Variants in CPSF3 observed in about 807,000 individuals in gnomAD.
The protein encoded by CPSF3 is cleavage and polyadenylation specificity factor subunit 3.
In CPSF3, 57 loss-of-function variants were observed where a neutral mutation model predicts 84.1. The ratio of observed to expected loss-of-function variants is 0.68; its 90% CI spans 0.55 to 0.85. The LOEUF (loss-of-function observed/expected upper bound fraction) is 0.85, where lower values mean the gene tolerates loss of function less well. CPSF3 is among the 40% of genes least tolerant of loss of function. The pLI is 0.00. For synonymous variants in CPSF3, 275 were observed against 278.1 expected (o/e 0.99, Z 0.11); for missense variants, 522 against 838.8 (o/e 0.62, Z 4.66).
chr2:9,461,475 C>T (rs1227369222), intron 15 of CPSF3, among the ~76,000 whole-genome samples: 1 of 151,948 alleles, frequency 6.6e-6, no homozygotes, highest in Non-Finnish European at 1.5e-5. Flanking sequence ...CCAGCCTGGC[C>T]AACATGGTGA....
chr2:9,463,728 T>C (rs549095907), intron 15 of CPSF3, among the ~76,000 whole-genome samples: 1 of 152,338 alleles, frequency 6.6e-6, no homozygotes, highest in South Asian at 2.1e-4. Context: ...ATTTTCACAT[T>C]TAGAGCAGAG....
intron 10 of CPSF3, among the ~76,000 whole-genome samples, chr2:9,444,790 C>T (rs756720469): frequency 1.3e-5 from 2 of 151,994 alleles, no homozygotes; most frequent in South Asian, 2.1e-4. Context: ...CTCAGCCTTC[C>T]GGGTAGCTGG....
At chr2:9,467,672 G>A (rs750503248) in intron 15 of CPSF3, 35 bp from the exon 16 acceptor site, 10 of 1,504,396 alleles carry the variant, frequency 6.6e-6, no homozygotes, top group Admixed American at 3.6e-5. Context: ...TAGGAATTTA[G>A]AAACTGAACT....
At chr2:9,444,158 A>ATATTT (rs1216393477) in intron 10 of CPSF3, among the ~76,000 whole-genome samples, 74 of 123,164 alleles carry the variant, frequency 6.0e-4, no homozygotes, top group African/African-American at 2.8e-3. Context: ...ATATATATAT[A>ATATTT]TTTTTTTTTT....
At chr2:9,433,283 G>A (rs1680660316) in intron 5 of CPSF3, among the ~76,000 whole-genome samples, 1 of 152,174 alleles carries the variant, frequency 6.6e-6, no homozygotes, top group African/African-American at 2.4e-5. Flanking sequence ...GCGCAGCTTG[G>A]CCTTTTCCTT....
Position 9,467,906 on chromosome 2 carries a change from C to T in CPSF3, c.1856+130C>T, listed in dbSNP as rs1682031430. 1.0e-5 allele frequency: 7 copies of T among 680,906 alleles called. No homozygotes were observed. The East Asian group carries it at 1.9e-4, about 18-fold the overall frequency. The allele number at this position is 680,906 out of a possible 1,614,324, so 42.2% of individuals were successfully genotyped here. A position where few individuals can be genotyped will look rare whatever the true frequency, so the allele number is the denominator to read the frequency against. ...GGCCACTGCCATGCTCGGAGGCCTG[C>T]TTCTCTGTTAGGAAAGAGAGGGGCT... On this transcript the variant is annotated intron_variant, in intron 16 of 17. Transcript: ENST00000238112.
chr2:9,435,767 C>G (rs1680755920), intron 6 of CPSF3, among the ~76,000 whole-genome samples: 1 of 151,838 alleles, frequency 6.6e-6, no homozygotes. Context: ...GAGTCTTGCT[C>G]TGTCGCCCAG....
At chr2:9,431,940 C>T (rs902900406) in intron 4 of CPSF3, among the ~76,000 whole-genome samples, 3 of 152,094 alleles carry the variant, frequency 2.0e-5, no homozygotes, top group Non-Finnish European at 2.9e-5. Flanking sequence ...TGAGGCACAG[C>T]GAGGTTAGGT....
At chr2:9,440,701 A>C (rs1680937614) in intron 8 of CPSF3, 35 bp downstream of exon 8, 1 of 1,607,966 alleles carries the variant, frequency 6.2e-7, no homozygotes, top group African/African-American at 1.3e-5. Context: ...AGGATGGATA[A>C]AACCAAATCA....
chr2:9,432,544 G>A lies in CPSF3; in HGVS notation c.375G>A (p.Glu125=), dbSNP rs369380019. ...NISADDMLYT[E]TDLEESMDKI... is the part of the protein sequence containing the mutation. ...CAGCAGACGACATGCTGTATACCGA[G>A]ACAGATTTGGAAGAAAGCATGGACA... Residue 125 remains glutamate (E), a synonymous_variant, in exon 5 of 18, where the codon GAG becomes GAA. Coordinates refer to ENST00000238112, the MANE Select transcript of CPSF3 (RefSeq NM_016207.4). 10 of 1,551,602 alleles carry A rather than the reference G, an allele frequency of 6.4e-6. No homozygotes were observed. The African/African-American group carries it at 1.2e-4, about 19-fold the overall frequency.
intron 10 of CPSF3, among the ~76,000 whole-genome samples, chr2:9,444,154 A>ATTTT (rs1308148543): frequency 7.1e-6 from 1 of 141,422 alleles, no homozygotes; most frequent in African/African-American, 2.7e-5. Flanking sequence ...ATATATATAT[A>ATTTT]TATATTTTTT....
At chr2:9,448,456 T>C in intron 11 of CPSF3, 106 bp downstream of exon 11, 1 of 966,096 alleles carries the variant, frequency 1.0e-6, no homozygotes, top group East Asian at 2.6e-5. Flanking sequence ...CTTATTTCTG[T>C]CTACTTGTTA....
chr2:9,441,736 T>A, intron 8 of CPSF3, 82 bp from the exon 9 acceptor site: 2 of 1,396,730 alleles, frequency 1.4e-6, no homozygotes, highest in Non-Finnish European at 9.9e-7. Flanking sequence ...TCTCTTAGCC[T>A]TTTGTTATTC....
At chr2:9,442,077 C>A in intron 9 of CPSF3, 101 bp downstream of exon 9, 1 of 1,237,336 alleles carries the variant, frequency 8.1e-7, no homozygotes, top group Non-Finnish European at 1.1e-6. Flanking sequence ...TCAAATAATA[C>A]AAGTTTTGAT....
intron 7 of CPSF3, 56 bp downstream of exon 7, chr2:9,436,417 A>T (rs1680784122): frequency 2.6e-6 from 4 of 1,541,918 alleles, no homozygotes; most frequent in Non-Finnish European, 3.5e-6. Context: ...TTTTATCAAG[A>T]TAATAATGTG....
chr2:9,445,873 G>A (rs187342989), intron 10 of CPSF3, among the ~76,000 whole-genome samples: 65 of 152,304 alleles, frequency 4.3e-4, no homozygotes, highest in African/African-American at 1.5e-3. Context: ...TAGTGTTGGT[G>A]GTAGTAATGA....
chr2:9,441,832 T>C lies in CPSF3; in HGVS notation c.951T>C (p.Phe317=), dbSNP rs775587895. ...HISNLKSMDH[F]DDIGPSVVMA... ...TTCTCTCTTAGAGCATGGATCATTT[T>C]GATGACATTGGTCCCAGTGTTGTAA... is the stretch of plus-strand genomic sequence containing the variant. The change falls in exon 9 of 18, where the codon TTT becomes TTC. Residue 317 remains phenylalanine (F), a synonymous_variant. Coordinates refer to ENST00000238112, the MANE Select transcript of CPSF3 (RefSeq NM_016207.4). 1.1e-5 allele frequency: 18 copies of C among 1,614,088 alleles called. No homozygotes were observed. In the East Asian group the frequency reaches 4.0e-4, roughly 36 times the overall value.
At chr2:9,450,023 G>T (rs935805978) in intron 11 of CPSF3, among the ~76,000 whole-genome samples, 6 of 151,996 alleles carry the variant, frequency 3.9e-5, no homozygotes, top group Non-Finnish European at 8.8e-5. Flanking sequence ...TTGAGATGGG[G>T]TCACACTCTG....
chr2:9,447,051 G>C (rs13403309), intron 10 of CPSF3, among the ~76,000 whole-genome samples: 24,491 of 152,084 alleles, frequency 0.16, 2,181 homozygotes, highest in Middle Eastern at 0.28. Flanking sequence ...TAAGGTGGGA[G>C]GATTGTATAA....
Sources: gnomAD v4.1 joint callset for allele counts (sites outside exome capture counted in the v4.1 genomes callset) on GRCh38, gnomAD v4.1.1 for gene constraint, MANE v1.5 for transcripts, NCBI Gene and HGNC (gene_info 2026-07-23, HGNC 2026-07-21) for gene names.